LRSAM1: variants seen among roughly 807,000 people sequenced by gnomAD.
LRSAM1 encodes the protein leucine rich repeat and sterile alpha motif containing 1, also known as E3 ubiquitin-protein ligase LRSAM1.
A neutral mutation model predicts 118.1 loss-of-function variants in LRSAM1; 96 were observed. The observed-to-expected ratio is 0.81, with a 90% CI of 0.69 to 0.96. LRSAM1 has a LOEUF of 0.96. Ranked by LOEUF, LRSAM1 falls within the 40% of genes least tolerant of loss-of-function variation. LRSAM1 has a pLI of 0.00. For missense variants in LRSAM1, 804 were observed against 915.5 expected (o/e 0.88, Z 1.57); for synonymous variants, 322 against 364.2 (o/e 0.88, Z 1.32).
At chr9:127,467,588 G>A in intron 9 of LRSAM1, 152 bp from the exon 10 acceptor site, 1 of 773,612 alleles carries the variant, frequency 1.3e-6, no homozygotes, top group Non-Finnish European at 2.2e-6. Flanking sequence ...TGGGAACGCA[G>A]CTGTAAGTAA....
intron 25 of LRSAM1, among the ~76,000 whole-genome samples, chr9:127,502,316 C>T (rs369718525): frequency 1.3e-5 from 2 of 152,166 alleles, no homozygotes; most frequent in African/African-American, 2.4e-5. Flanking sequence ...CTGTTTCGGC[C>T]GTGCCTGTTC....
At chr9:127,477,922 G>C (rs1220483041) in intron 11 of LRSAM1, among the ~76,000 whole-genome samples, 1 of 151,908 alleles carries the variant, frequency 6.6e-6, no homozygotes, top group Admixed American at 6.6e-5. Flanking sequence ...GGTGGTGGGT[G>C]CCTGTAATCC....
At chr9:127,455,736 T>G (rs1834494745) in intron 5 of LRSAM1, 116 bp downstream of exon 5, 2 of 992,326 alleles carry the variant, frequency 2.0e-6, no homozygotes, top group Non-Finnish European at 3.2e-6. Flanking sequence ...TCTCTGCTTC[T>G]TATGCTCTTG....
intron 23 of LRSAM1, 96 bp from the exon 24 acceptor site, chr9:127,497,157 C>T (rs546907838): frequency 1.3e-5 from 17 of 1,266,690 alleles, no homozygotes; most frequent in East Asian, 4.7e-5. Flanking sequence ...CAGGAGGTGT[C>T]GACGGTCCTG....
intron 14 of LRSAM1, 126 bp downstream of exon 14, chr9:127,480,104 A>G: frequency 1.5e-6 from 2 of 1,310,246 alleles, no homozygotes; most frequent in Non-Finnish European, 2.2e-6. Flanking sequence ...GTCAGGATCC[A>G]GTCTGGGTGC....
chr9:127,475,079 G>C (rs1162342452), intron 11 of LRSAM1, among the ~76,000 whole-genome samples: 1 of 133,920 alleles, frequency 7.5e-6, no homozygotes, highest in African/African-American at 2.8e-5. Flanking sequence ...TTATTTTATA[G>C]TTCAGCAAGA....
chr9:127,491,996 C>T (rs1444668481), intron 20 of LRSAM1, among the ~76,000 whole-genome samples: 3 of 152,202 alleles, frequency 2.0e-5, no homozygotes, highest in Admixed American at 1.3e-4. Flanking sequence ...GCAGAGCCTT[C>T]GGTCTGTCAC....
At chr9:127,467,706 C>T (rs1018239202) in intron 9 of LRSAM1, 34 bp from the exon 10 acceptor site, 12 of 1,584,818 alleles carry the variant, frequency 7.6e-6, no homozygotes, top group African/African-American at 4.0e-5. Context: ...GCGTTGGTAG[C>T]GAACAGTAAA....
At chr9:127,497,107 G>C in intron 23 of LRSAM1, 146 bp from the exon 24 acceptor site, 1 of 765,338 alleles carries the variant, frequency 1.3e-6, no homozygotes, top group Non-Finnish European at 2.2e-6. Context: ...CATCCTGACC[G>C]TGGGCCCCGC....
At chr9:127,454,870 T>A (rs776291709) in intron 3 of LRSAM1, 128 bp from the exon 4 acceptor site, 12 of 974,292 alleles carry the variant, frequency 1.2e-5, no homozygotes, top group Non-Finnish European at 1.8e-5. Context: ...ACCTGCCAAA[T>A]GGACCAGTGG....
At chr9:127,490,410 C>T (rs1359759463) in intron 19 of LRSAM1, among the ~76,000 whole-genome samples, 2 of 152,064 alleles carry the variant, frequency 1.3e-5, no homozygotes, top group East Asian at 3.9e-4. Context: ...GGGTCATGGG[C>T]ACAGGATAGA....
chr9:127,499,156 C>T (rs1156985272), intron 24 of LRSAM1, among the ~76,000 whole-genome samples: 1 of 151,638 alleles, frequency 6.6e-6, no homozygotes, highest in East Asian at 1.9e-4. Context: ...GAGGATCACT[C>T]AAGCCCAGGA....
chr9:127,496,862 C>T (rs372951191), intron 23 of LRSAM1, among the ~76,000 whole-genome samples: 2 of 152,222 alleles, frequency 1.3e-5, no homozygotes, highest in Non-Finnish European at 2.9e-5. Context: ...CTGTGGGGCT[C>T]GTGTGCTGCT....
chr9:127,459,776 C>G (rs1006053225), intron 7 of LRSAM1, among the ~76,000 whole-genome samples: 2 of 152,048 alleles, frequency 1.3e-5, no homozygotes, highest in Non-Finnish European at 2.9e-5. Context: ...CCAGGCTGAC[C>G]TCAAACTCCT....
chr9:127,492,677 G>A (rs981368019), intron 20 of LRSAM1, 125 bp from the exon 21 acceptor site: 72 of 841,328 alleles, frequency 8.6e-5, no homozygotes, highest in Admixed American at 7.0e-4. Flanking sequence ...GTCCCCCAAC[G>A]CAGCCTGGAG....
At position 127,455,589 on chromosome 9, in the gene LRSAM1, C is replaced by G. The variant is rs756260380; in HGVS notation, c.143C>G (p.Ala48Gly). The G allele has an allele frequency of 6.2e-7, 1 of 1,613,946 alleles. No individual in the cohort carries two copies. Among genetic ancestry groups the G allele is most frequent in the South Asian group, 1.1e-5 (1 of 91,092 alleles). Reference sequence around the variant, plus strand: ...ATCTTATCTTAGATTCCATTTGGAGCTTTTGCAACATGCAAAGTTCTGCAG... The same window carrying G: ...ATCTTATCTTAGATTCCATTTGGAGGTTTTGCAACATGCAAAGTTCTGCAG... ...KCELSEIPFG[A>G]FATCKVLQKK... The change falls in exon 5 of 26, where the codon GCT (alanine) becomes GGT (glycine). Residue 48 changes from alanine to glycine, a missense_variant. Transcript: ENST00000300417.
At chr9:127,456,832 C>T (rs1834537920) in intron 5 of LRSAM1, among the ~76,000 whole-genome samples, 1 of 150,980 alleles carries the variant, frequency 6.6e-6, no homozygotes, top group Non-Finnish European at 1.5e-5. Context: ...CACCACTGCA[C>T]TCCAGCTTGG....
At position 127,483,025 on chromosome 9, in the gene LRSAM1, G is replaced by C. The variant is rs753418696; in HGVS notation, c.1159+5G>C. 2.5e-6 allele frequency: 4 copies of C among 1,606,148 alleles called. No homozygotes were observed. The highest frequency in any genetic ancestry group is 2.6e-6 in the Non-Finnish European group (3 of 1,176,396). The stretch of plus-strand genomic sequence containing the variant: ...TGCGGCGACGTGACGTTGCCTGTGA[G>C]TTTTGGGATGGGGAGCTTGTGAGCA... On this transcript the variant is annotated splice_donor_5th_base_variant and intron_variant, in intron 16 of 25. Transcript: ENST00000300417.
chr9:127,460,847 C>CTTTTTTTTTTTTTTT (rs58140930), intron 7 of LRSAM1, among the ~76,000 whole-genome samples: 1 of 77,414 alleles, frequency 1.3e-5, no homozygotes, highest in African/African-American at 5.0e-5. Context: ...CTGTTTCTTT[C>CTTTTTTTTTTTTTTT]TTTTTTTTTT....
Sources: gnomAD v4.1 joint callset for allele counts (sites outside exome capture counted in the v4.1 genomes callset) on GRCh38, gnomAD v4.1.1 for gene constraint, MANE v1.5 for transcripts, NCBI Gene and HGNC (gene_info 2026-07-23, HGNC 2026-07-21) for gene names.